CLPB: variants seen among roughly 807,000 people sequenced by gnomAD.
CLPB encodes the protein mitochondrial disaggregase.
A neutral mutation model predicts 78.4 loss-of-function variants in CLPB; 40 were observed. The ratio of observed to expected loss-of-function variants is 0.51; its 90% CI spans 0.40 to 0.66. The LOEUF is 0.66. Ranked by LOEUF, CLPB falls within the 30% of genes least tolerant of loss-of-function variation. The probability of loss-of-function intolerance (pLI) is 0.00; values close to 1 mark genes in which losing one functional copy is unlikely to be tolerated. For missense variants in CLPB, 780 were observed against 886.9 expected, an observed-to-expected ratio of 0.88 and a Z score of 1.53; for synonymous variants, 333 against 348.0, an observed-to-expected ratio of 0.96 and a Z score of 0.48.
At chr11:72,432,793 T>C (rs1265030469) in intron 1 of CLPB, among the ~76,000 whole-genome samples, 4 of 152,204 alleles carry the variant, frequency 2.6e-5, no homozygotes, top group African/African-American at 9.6e-5. Flanking sequence ...ATCCCCAGTG[T>C]TGTCTCTCCC....
intron 8 of CLPB, 96 bp downstream of exon 8, chr11:72,308,431 C>T (rs1412213207): frequency 5.8e-6 from 6 of 1,028,780 alleles, no homozygotes; most frequent in African/African-American, 1.6e-5. Context: ...TAGAGCTGGA[C>T]CTGCTGACCC....
intron 2 of CLPB, among the ~76,000 whole-genome samples, chr11:72,411,320 G>A (rs1403157315): frequency 6.6e-6 from 1 of 152,202 alleles, no homozygotes; most frequent in Non-Finnish European, 1.5e-5. Flanking sequence ...AGGAGGGTGT[G>A]AGTGCAGCTT....
At chr11:72,294,976 G>A (rs1949524386) in intron 12 of CLPB, among the ~76,000 whole-genome samples, 1 of 152,220 alleles carries the variant, frequency 6.6e-6, no homozygotes, top group African/African-American at 2.4e-5. Flanking sequence ...CTTGAGTCCT[G>A]ACTTGGAGGA....
At chr11:72,404,432 G>A (rs1029523939) in intron 2 of CLPB, among the ~76,000 whole-genome samples, 2 of 152,222 alleles carry the variant, frequency 1.3e-5, no homozygotes, top group Non-Finnish European at 2.9e-5. Context: ...AATCTGTGTT[G>A]CTGATGTTAG....
At chr11:72,302,380 T>C (rs1308285583) in intron 9 of CLPB, 32 bp from the exon 10 acceptor site, 43 of 1,610,660 alleles carry the variant, frequency 2.7e-5, no homozygotes, top group Non-Finnish European at 3.4e-5. Flanking sequence ...CCAACTCCGT[T>C]TGGAGGCAGG....
rs112524097 is a variant in CLPB at position 72,293,375 on chromosome 11, T to C, written c.2026A>G (p.Thr676Ala). 8.1e-4 allele frequency: 1,300 copies of C among 1,613,608 alleles called. 11 individuals carry two copies. The African/African-American group carries it at 0.014, about 17-fold the overall frequency. The change falls in exon 16 of 16, where the codon ACC becomes GCC. Residue 676 changes from threonine to alanine, a missense_variant. Thr to Ala is a moderately conservative substitution (Grantham distance 58, BLOSUM62 0). Transcript: ENST00000538039. ...GAGCAGGCAGGTGGCTGCTAGATGG[T>C]GTTGCACACCTTCTCAGGGTGCAGT... ...APLHPEKVCN[T>A]I
chr11:72,316,879 C>A (rs1438802475), intron 7 of CLPB, among the ~76,000 whole-genome samples: 1 of 152,170 alleles, frequency 6.6e-6, no homozygotes, highest in African/African-American at 2.4e-5. Context: ...TGTGTCTTGG[C>A]TTCCTCAGCA....
At chr11:72,399,476 A>C (rs961433795) in intron 3 of CLPB, among the ~76,000 whole-genome samples, 3 of 152,204 alleles carry the variant, frequency 2.0e-5, no homozygotes, top group Non-Finnish European at 4.4e-5. Flanking sequence ...ATAAATTATA[A>C]ATTAAATTAT....
At chr11:72,352,128 C>T (rs1950625507) in intron 5 of CLPB, among the ~76,000 whole-genome samples, 1 of 152,164 alleles carries the variant, frequency 6.6e-6, no homozygotes, top group Admixed American at 6.5e-5. Flanking sequence ...TGCAGGCATA[C>T]AGTAAGCACT....
intron 2 of CLPB, chr11:72,411,750 C>A (rs951591079): frequency 1.3e-5 from 2 of 152,222 alleles, no homozygotes; most frequent in African/African-American, 4.8e-5. Context: ...TTCTTTAGGA[C>A]CAATCAATAC....
At chr11:72,408,342 A>G in intron 2 of CLPB, 1 of 681,562 alleles carries the variant, frequency 1.5e-6, no homozygotes, top group Non-Finnish European at 2.5e-6. Flanking sequence ...TTAAAACAGA[A>G]TTTCGTAAGG....
intron 5 of CLPB, among the ~76,000 whole-genome samples, 153 bp downstream of exon 5, chr11:72,358,727 A>T (rs1401265230): frequency 6.6e-6 from 1 of 152,108 alleles, no homozygotes; most frequent in Non-Finnish European, 1.5e-5. Context: ...TAGGAGGATA[A>T]CAGGGCTCTG....
At chr11:72,319,918 G>A (rs1012099014) in intron 6 of CLPB, among the ~76,000 whole-genome samples, 1 of 152,052 alleles carries the variant, frequency 6.6e-6, no homozygotes, top group African/African-American at 2.4e-5. Flanking sequence ...ATTTAATTGT[G>A]GGTGGAATTC....
intron 2 of CLPB, among the ~76,000 whole-genome samples, chr11:72,413,435 T>C (rs1310576772): frequency 2.6e-5 from 4 of 152,174 alleles, no homozygotes; most frequent in African/African-American, 9.6e-5. Flanking sequence ...ACTATGCCCC[T>C]TTACCTCCAA....
intron 2 of CLPB, among the ~76,000 whole-genome samples, chr11:72,409,005 A>G (rs1356249745): frequency 6.6e-6 from 1 of 152,250 alleles, no homozygotes; most frequent in East Asian, 1.9e-4. Flanking sequence ...TCTTTTAAAA[A>G]GAGCAATGCT....
At chr11:72,335,527 A>C (rs908542358) in intron 5 of CLPB, among the ~76,000 whole-genome samples, 8 of 152,048 alleles carry the variant, frequency 5.3e-5, no homozygotes, top group African/African-American at 1.9e-4. Flanking sequence ...CCCCACTTCC[A>C]TCTTGGTTCT....
chr11:72,358,868 C>T lies in CLPB; in HGVS notation c.775+12G>A. 1 of 1,578,648 alleles carries T rather than the reference C, an allele frequency of 6.3e-7. No individual in the cohort carries two copies. The highest frequency in any genetic ancestry group is 2.3e-5 in the East Asian group (1 of 44,016). Reference sequence around the variant, plus strand: ...TTCCCCCACCCCACCCCTCCTCCACCTCTGCTCTCACCTCCATCAAGCAGC... The same window carrying T: ...TTCCCCCACCCCACCCCTCCTCCACTTCTGCTCTCACCTCCATCAAGCAGC... On this transcript the variant is annotated intron_variant, in intron 5 of 15. Transcript: ENST00000538039.
At chr11:72,398,970 C>A (rs1855487507) in intron 3 of CLPB, among the ~76,000 whole-genome samples, 1 of 152,168 alleles carries the variant, frequency 6.6e-6, no homozygotes, top group Non-Finnish European at 1.5e-5. Flanking sequence ...TGCTTATTCT[C>A]TGAATCCCTG....
At chr11:72,407,245 C>T (rs1855736715) in intron 2 of CLPB, among the ~76,000 whole-genome samples, 1 of 152,166 alleles carries the variant, frequency 6.6e-6, no homozygotes, top group Non-Finnish European at 1.5e-5. Context: ...TGCCAAGGTC[C>T]TCTTCTGAAT....
Sources: gnomAD v4.1 joint callset for allele counts (sites outside exome capture counted in the v4.1 genomes callset) on GRCh38, gnomAD v4.1.1 for gene constraint, MANE v1.5 for transcripts, NCBI Gene and HGNC (gene_info 2026-07-23, HGNC 2026-07-21) for gene names.